The following ZNF430 variants were observed in gnomAD, a reference collection of about 807,000 sequenced individuals.
The protein encoded by ZNF430 is zinc finger protein 430.
In ZNF430, 35 loss-of-function variants were observed where a neutral mutation model predicts 56.7. The ratio of observed to expected loss-of-function variants is 0.62; its 90% CI spans 0.47 to 0.82. The LOEUF (loss-of-function observed/expected upper bound fraction) is 0.82, where lower values mean the gene tolerates loss of function less well. Ranked by LOEUF, ZNF430 falls within the 40% of genes least tolerant of loss-of-function variation. ZNF430 has a pLI of 0.00. For missense variants in ZNF430, 574 were observed against 661.0 expected (o/e 0.87, Z 1.44); for synonymous variants, 212 against 224.3 (o/e 0.94, Z 0.49).
At chr19:21,021,061 C>T (rs561993105) in intron 1 of ZNF430, among the ~76,000 whole-genome samples, 1 of 152,220 alleles carries the variant, frequency 6.6e-6, no homozygotes, top group Non-Finnish European at 1.5e-5. Flanking sequence ...TCTGCATCCG[C>T]AGCGCCGCGT....
At chr19:21,034,433 G>A (rs779831370) in intron 4 of ZNF430, 28 of 344,614 alleles carry the variant, frequency 8.1e-5, no homozygotes, top group Non-Finnish European at 1.3e-4. Context: ...TTCATGGCAT[G>A]CGAGACTCAC....
intron 4 of ZNF430, among the ~76,000 whole-genome samples, chr19:21,056,179 T>TA (rs1167306115): frequency 2.0e-5 from 3 of 152,132 alleles, no homozygotes; most frequent in African/African-American, 7.2e-5. Flanking sequence ...TACATGTCTG[T>TA]AAAAAATTAG....
At chr19:21,023,048 G>A (rs1356280504) in intron 2 of ZNF430, among the ~76,000 whole-genome samples, 167 bp downstream of exon 2, 4 of 152,084 alleles carry the variant, frequency 2.6e-5, no homozygotes, top group African/African-American at 7.2e-5. Flanking sequence ...TATAGTGAAA[G>A]TAAAATAGTG....
Position 21,049,656 on chromosome 19 carries a change from C to G in ZNF430, c.323-6975C>G, listed in dbSNP as rs565955497. 5.8e-3 allele frequency: 860 copies of G among 148,852 alleles called. 8 individuals are homozygous for G. Among genetic ancestry groups the G allele is most frequent in the African/African-American group, 0.02 (815 of 40,744 alleles). 9.2% of individuals were successfully genotyped at this position (148,852 alleles called of 1,614,324 possible). On this transcript the variant is annotated intron_variant, in intron 4 of 4. Coordinates refer to ENST00000261560, the MANE Select transcript of ZNF430 (RefSeq NM_025189.4). Reference sequence around the variant, plus strand: ...ACATTTCGTGCAACATTTCTTGTTACGTTTCCTGCAACATTTCTTGTTACA... The same window carrying G: ...ACATTTCGTGCAACATTTCTTGTTAGGTTTCCTGCAACATTTCTTGTTACA...
intron 1 of ZNF430, among the ~76,000 whole-genome samples, 186 bp downstream of exon 1, chr19:21,020,989 G>A (rs1411032904): frequency 6.6e-6 from 1 of 152,196 alleles, no homozygotes; most frequent in Non-Finnish European, 1.5e-5. Context: ...GCGGGCCCCA[G>A]CACGTCCCGT....
chr19:21,049,641 C>A (rs552533202), intron 4 of ZNF430: 99 of 145,850 alleles, frequency 6.8e-4, no homozygotes, highest in African/African-American at 2.4e-3. Flanking sequence ...ACATTTCGTG[C>A]AACATTTCTT....
chr19:21,045,586 A>G (rs1179771652), intron 4 of ZNF430, among the ~76,000 whole-genome samples: 1 of 152,184 alleles, frequency 6.6e-6, no homozygotes, highest in Non-Finnish European at 1.5e-5. Flanking sequence ...TATCAGGTCC[A>G]TTTGACCCAA....
intron 2 of ZNF430, among the ~76,000 whole-genome samples, chr19:21,030,018 G>T (rs1471369636): frequency 6.6e-6 from 1 of 151,946 alleles, no homozygotes; most frequent in Admixed American, 6.6e-5. Context: ...TCTAGAGCTG[G>T]TGCTCACAAT....
At chr19:21,043,618 T>C (rs951199482) in intron 4 of ZNF430, among the ~76,000 whole-genome samples, 1 of 152,340 alleles carries the variant, frequency 6.6e-6, no homozygotes, top group East Asian at 1.9e-4. Flanking sequence ...TTGGGTTCCA[T>C]ATGAATTTTA....
At chr19:21,049,197 A>AAT (rs11390222) in intron 4 of ZNF430, among the ~76,000 whole-genome samples, 1 of 148,216 alleles carries the variant, frequency 6.7e-6, no homozygotes, top group South Asian at 2.1e-4. Context: ...AAAAAAAAAA[A>AAT]GTAAAAAAGA....
At chr19:21,033,296 T>C (rs1967934778) in intron 2 of ZNF430, among the ~76,000 whole-genome samples, 160 bp from the exon 3 acceptor site, 1 of 151,200 alleles carries the variant, frequency 6.6e-6, no homozygotes, top group South Asian at 2.1e-4. Flanking sequence ...AGAGGTTGCC[T>C]CTGTCTCAAA....
intron 4 of ZNF430, among the ~76,000 whole-genome samples, chr19:21,037,708 G>T (rs1308591747): frequency 1.3e-5 from 2 of 151,956 alleles, no homozygotes; most frequent in Non-Finnish European, 2.9e-5. Flanking sequence ...ATTGACATAG[G>T]TTTTATTTTC....
intron 2 of ZNF430, among the ~76,000 whole-genome samples, chr19:21,024,334 T>A (rs1037261666): frequency 6.6e-6 from 1 of 152,206 alleles, no homozygotes; most frequent in African/African-American, 2.4e-5. Context: ...GTTTCTAGAC[T>A]TTGTAATACC....
At chr19:21,029,388 T>C (rs2144755435) in intron 2 of ZNF430, among the ~76,000 whole-genome samples, 1 of 152,356 alleles carries the variant, frequency 6.6e-6, no homozygotes, top group African/African-American at 2.4e-5. Context: ...AGTATAATTA[T>C]TCTAAAGAAC....
chr19:21,024,112 A>G (rs1214668501), intron 2 of ZNF430, among the ~76,000 whole-genome samples: 1 of 152,152 alleles, frequency 6.6e-6, no homozygotes, highest in Non-Finnish European at 1.5e-5. Flanking sequence ...CTGCAAAAGG[A>G]GTTTATTACA....
At chr19:21,048,419 A>C (rs1320909162) in intron 4 of ZNF430, among the ~76,000 whole-genome samples, 1 of 151,664 alleles carries the variant, frequency 6.6e-6, no homozygotes, top group Non-Finnish European at 1.5e-5. Flanking sequence ...GCATCTGTTT[A>C]ACAAAGCACA....
At chr19:21,049,692 C>T (rs2144783937) in intron 4 of ZNF430, 1 of 152,264 alleles carries the variant, frequency 6.6e-6, no homozygotes, top group East Asian at 1.9e-4. Flanking sequence ...TTTCGTGCAA[C>T]ATTTCTTGTT....
intron 4 of ZNF430, among the ~76,000 whole-genome samples, chr19:21,054,871 TCG>T (rs1968346041): frequency 6.6e-6 from 1 of 151,852 alleles, no homozygotes; most frequent in African/African-American, 2.4e-5. Context: ...AGACAAGGTT[TCG>T]CCGTATTAGC....
chr19:21,021,422 C>G, intron 1 of ZNF430, among the ~76,000 whole-genome samples: 1 of 151,832 alleles, frequency 6.6e-6, no homozygotes, highest in African/African-American at 2.4e-5. Context: ...TCACTTGAAC[C>G]TGGGAGGTGG....
Sources: gnomAD v4.1 joint callset for allele counts (sites outside exome capture counted in the v4.1 genomes callset) on GRCh38, gnomAD v4.1.1 for gene constraint, MANE v1.5 for transcripts, NCBI Gene and HGNC (gene_info 2026-07-23, HGNC 2026-07-21) for gene names.